The following CELF2 variants were observed in gnomAD, a reference collection of about 807,000 sequenced individuals.
CELF2 encodes CUGBP Elav-like family member 2.
A neutral mutation model predicts 62.6 loss-of-function variants in CELF2; 8 were observed. The ratio of observed to expected loss-of-function variants is 0.13; its 90% CI spans 0.07 to 0.23. The LOEUF (loss-of-function observed/expected upper bound fraction) is 0.23, where lower values mean the gene tolerates loss of function less well. Ranked by LOEUF, CELF2 falls within the 10% of genes least tolerant of loss-of-function variation. The probability of loss-of-function intolerance (pLI) is 1.00; values close to 1 mark genes in which losing one functional copy is unlikely to be tolerated. For synonymous variants in CELF2, 258 were observed against 250.0 expected (o/e 1.03, Z -0.30); for missense variants, 333 against 671.0 (o/e 0.50, Z 5.56).
the CELF2 span, among the ~76,000 whole-genome samples, chr10:10,644,258 TA>T: frequency 6.6e-6 from 1 of 152,228 alleles, no homozygotes; most frequent in African/African-American, 2.4e-5. Context: ...TATTTCTTGA[TA>T]GGGGTCCTTG....
At chr10:11,006,777 CTG>C (rs1482178090) in intron 1 of CELF2, among the ~76,000 whole-genome samples, 1 of 152,206 alleles carries the variant, frequency 6.6e-6, no homozygotes, top group Non-Finnish European at 1.5e-5. Context: ...TTCAAGGTCT[CTG>C]TGGAATATAT....
At chr10:10,959,104 A>C (rs1014191100) in intron 2 of CELF2, among the ~76,000 whole-genome samples, 7 of 152,082 alleles carry the variant, frequency 4.6e-5, no homozygotes, top group Non-Finnish European at 1.0e-4. Flanking sequence ...AAAAATACAA[A>C]AAAATTAGCC....
the CELF2 span, among the ~76,000 whole-genome samples, chr10:10,667,746 T>G: frequency 6.6e-6 from 1 of 152,116 alleles, no homozygotes; most frequent in African/African-American, 2.4e-5. Context: ...AAAAGCACAA[T>G]TTGGAATCAG....
At chr10:10,468,328 C>T in the CELF2 span, among the ~76,000 whole-genome samples, 7 of 151,992 alleles carry the variant, frequency 4.6e-5, no homozygotes, top group Non-Finnish European at 1.0e-4. Flanking sequence ...CTTGAGTGGT[C>T]TGCTTTTGCT....
At chr10:10,688,939 G>A in the CELF2 span, among the ~76,000 whole-genome samples, 2,674 of 152,052 alleles carry the variant, frequency 0.018, 40 homozygotes, top group African/African-American at 0.043. Context: ...AGGAATTCGA[G>A]GCTTCAGTGA....
chr10:11,262,442 G>C (rs1028159338), intron 5 of CELF2, among the ~76,000 whole-genome samples: 1 of 152,156 alleles, frequency 6.6e-6, no homozygotes. Flanking sequence ...TGCCCACACA[G>C]TACCTAAACA....
chr10:11,299,418 T>TC (rs1192287109), intron 9 of CELF2, among the ~76,000 whole-genome samples: 2 of 152,090 alleles, frequency 1.3e-5, no homozygotes, highest in Non-Finnish European at 2.9e-5. Flanking sequence ...AAAATCTGCC[T>TC]CCCAGAAATG....
intron 2 of CELF2, among the ~76,000 whole-genome samples, chr10:10,969,077 A>G (rs773398310): frequency 1.8e-4 from 27 of 152,164 alleles, no homozygotes; most frequent in Admixed American, 1.0e-3. Flanking sequence ...TCTGGGGACA[A>G]CTTCAAAATG....
the CELF2 span, among the ~76,000 whole-genome samples, chr10:10,671,555 G>A: frequency 4.6e-5 from 7 of 152,144 alleles, no homozygotes; most frequent in Non-Finnish European, 1.0e-4. Context: ...CCCACAAGCA[G>A]CGAATGAGAG....
chr10:10,635,614 A>G, the CELF2 span, among the ~76,000 whole-genome samples: 1 of 152,228 alleles, frequency 6.6e-6, no homozygotes, highest in South Asian at 2.1e-4. Flanking sequence ...GAATGAATGT[A>G]TGTAAATTCA....
rs2047821427 is a variant in CELF2, at chr10:10,947,459, G to C, written c.89+27460G>C. The C allele has an allele frequency of 6.6e-6, 1 of 152,608 alleles. No individual in the cohort carries two copies. Among genetic ancestry groups the C allele is most frequent in the Non-Finnish European group, 1.5e-5 (1 of 68,038 alleles). The allele number at this position is 152,608 out of a possible 1,614,324, so 9.5% of individuals were successfully genotyped here. The stretch of plus-strand genomic sequence containing the variant: ...CCAAGTAATTACCTTGATTTATGAA[G>C]GCAGGAATAGAAGGTAGCATGAAAC... On this transcript the variant is annotated intron_variant, in intron 2 of 13. Transcript: ENST00000636488. This position sits in a 1 kb window ranked among gnomAD's most constrained non-coding sequence, Gnocchi z 4.1.
chr10:10,532,027 A>G, the CELF2 span, among the ~76,000 whole-genome samples: 2 of 152,258 alleles, frequency 1.3e-5, no homozygotes, highest in African/African-American at 4.8e-5. Flanking sequence ...AAGGTGGCTG[A>G]GAGTGAGGAA....
chr10:11,269,587 C>G lies in CELF2; in HGVS notation c.619-1079C>G, dbSNP rs1297118494. Among the ~76,000 whole-genome samples, 1 of 152,140 alleles carries G rather than the reference C, an allele frequency of 6.6e-6. No homozygotes were observed. The highest frequency in any genetic ancestry group is 2.4e-5 in the African/African-American group (1 of 41,434). On this transcript the variant is annotated intron_variant, in intron 6 of 12. Coordinates refer to ENST00000633077, the MANE Select transcript of CELF2 (RefSeq NM_001326342.2). The surrounding 1 kb of genome is among the most constrained non-coding windows in gnomAD (Gnocchi z 4.4). ...TTTAATCACTTGGGTAGAATTACTT[C>G]TTTATGCCTCAGCAAAATTGAACAG...
the CELF2 span, among the ~76,000 whole-genome samples, chr10:10,540,884 C>G: frequency 4.6e-5 from 7 of 152,072 alleles, no homozygotes; most frequent in African/African-American, 1.4e-4. Flanking sequence ...GACTGTCAGC[C>G]CCCAAAAAGA....
the CELF2 span, among the ~76,000 whole-genome samples, chr10:10,552,292 G>A: frequency 6.6e-6 from 1 of 152,216 alleles, no homozygotes; most frequent in African/African-American, 2.4e-5. Flanking sequence ...ATTGTAACTA[G>A]CAATGAATGG....
intron 1 of CELF2, among the ~76,000 whole-genome samples, chr10:11,103,506 T>TTTTTTTTTTTTTTTTTTTTTTTTTTTTTG (rs2052459192): frequency 6.6e-6 from 1 of 151,134 alleles, no homozygotes; most frequent in African/African-American, 2.4e-5. Context: ...TTTTTTTTTT[T>TTTTTTTTTTTTTTTTTTTTTTTTTTTTTG]TACTGTGAAC....
At chr10:10,813,862 C>T (rs1207759006) in intron 1 of CELF2, among the ~76,000 whole-genome samples, 1 of 152,124 alleles carries the variant, frequency 6.6e-6, no homozygotes, top group African/African-American at 2.4e-5. Context: ...TGGACAGCAA[C>T]AGGGAGACTG....
the CELF2 span, among the ~76,000 whole-genome samples, chr10:10,655,552 C>G: frequency 3.5e-5 from 4 of 115,268 alleles, 1 homozygote; most frequent in Admixed American, 2.6e-4. Flanking sequence ...GAACAGAGCC[C>G]TCAGAAATAA....
chr10:11,051,320 A>G (rs1334589038), intron 1 of CELF2, among the ~76,000 whole-genome samples: 6 of 152,224 alleles, frequency 3.9e-5, no homozygotes, highest in African/African-American at 1.4e-4. Flanking sequence ...GCTTCCTTAC[A>G]TGTTAAATAT....
Sources: gnomAD v4.1 joint callset for allele counts (sites outside exome capture counted in the v4.1 genomes callset) on GRCh38, gnomAD v4.1.1 for gene constraint, Gnocchi (gnomAD v3.1) non-coding constraint, MANE v1.5 for transcripts, NCBI Gene and HGNC (gene_info 2026-07-23, HGNC 2026-07-21) for gene names.